The following ABCA3 variants were observed in gnomAD, a reference collection of about 807,000 sequenced individuals.
ABCA3 encodes phospholipid-transporting ATPase ABCA3.
ABCA3 carries 88 observed loss-of-function variants against 172.8 expected under a neutral mutation model. The observed-to-expected ratio is 0.51, with a 90% confidence interval of 0.43 to 0.61. ABCA3 has a LOEUF of 0.61. Ranked by LOEUF, ABCA3 falls within the 20% of genes least tolerant of loss-of-function variation. The probability of loss-of-function intolerance (pLI) is 0.00; values close to 1 mark genes in which losing one functional copy is unlikely to be tolerated. For missense variants in ABCA3, 2,164 were observed against 2,301.0 expected (o/e 0.94, Z 1.22); for synonymous variants, 1,066 against 983.8 (o/e 1.08, Z -1.56).
chr16:2,320,967 TC>T (rs1167927882), intron 7 of ABCA3, among the ~76,000 whole-genome samples: 2 of 148,028 alleles, frequency 1.4e-5, no homozygotes, highest in African/African-American at 4.9e-5. Context: ...ACAAAGGTTT[TC>T]CCCAGTCTGC....
chr16:2,278,566 C>T lies in ABCA3; in HGVS notation c.4548-108G>A. 6 of 1,387,056 alleles carry T rather than the reference C, an allele frequency of 4.3e-6. No individual in the cohort carries two copies. The highest frequency in any genetic ancestry group is 6.0e-6 in the Non-Finnish European group (6 of 1,002,458). The allele number at this position is 1,387,056 out of a possible 1,614,324, so 85.9% of individuals were successfully genotyped here. A position where few individuals can be genotyped will look rare whatever the true frequency, so the allele number is the denominator to read the frequency against. The stretch of plus-strand genomic sequence containing the variant: ...AGCAGCGGCCCACACCCAGCAATTG[C>T]AGAACAGCCCTAGTGAAGAGGAAGG... On this transcript the variant is annotated intron_variant, in intron 29 of 32. Coordinates refer to ENST00000301732, the MANE Select transcript of ABCA3 (RefSeq NM_001089.3). This position sits in a 1 kb window ranked among gnomAD's most constrained non-coding sequence, Gnocchi z 4.4.
In ABCA3 at chr16:2,326,082, T is replaced by C; in HGVS notation, c.247A>G (p.Ile83Val). 1 of 1,614,024 alleles carries C rather than the reference T, an allele frequency of 6.2e-7. No individual in the cohort carries two copies. Among genetic ancestry groups the C allele is most frequent in the Non-Finnish European group, 8.5e-7 (1 of 1,180,032 alleles). ...TTGGCAGCGTCACTGTGAGAAGGGATGTAGGCAAGCTCCCAGGTGTCTCCT... is the reference window on the plus strand; with the variant it reads ...TTGGCAGCGTCACTGTGAGAAGGGACGTAGGCAAGCTCCCAGGTGTCTCCT... The part of the protein sequence containing the change: ...PPGDTWELAY[I>V]PSHSDAAKTV... The change falls in exon 5 of 33, where the codon ATC becomes GTC. Residue 83 changes from isoleucine to valine, a missense_variant. Physicochemically the swap from Ile to Val is conservative, Grantham distance 29 (BLOSUM62 3). Around this residue, in one of 3 missense-constraint regions of ABCA3, gnomAD observed 1,343 missense variants for 1,369.6 expected, o/e 0.98. Transcript: ENST00000301732.
intron 17 of ABCA3, among the ~76,000 whole-genome samples, chr16:2,296,561 G>A (rs985985705): frequency 2.6e-5 from 4 of 152,240 alleles, no homozygotes; most frequent in Non-Finnish European, 5.9e-5. Flanking sequence ...AGACAAGGAT[G>A]CCAGGCCCAG....
Position 2,319,603 on chromosome 16 carries a change from T to C in ABCA3, c.851A>G (p.Gln284Arg). 6.2e-7 allele frequency: 1 copy of C among 1,612,856 alleles called. No individual in the cohort carries two copies. The highest frequency in any genetic ancestry group is 1.7e-5 in the Admixed American group (1 of 60,006). ...CACCTTCAGCCTCCTTTCCTTCTCCTGCACGACAGCACGGGCAATGGTGAG... is the reference window on the plus strand; with the variant it reads ...CACCTTCAGCCTCCTTTCCTTCTCCCGCACGACAGCACGGGCAATGGTGAG... ...TALTIARAVV[Q>R]EKERRLKEYM... The change falls in exon 8 of 33, where the codon CAG becomes CGG. Residue 284 changes from glutamine to arginine, a missense_variant. Physicochemically the swap from Gln to Arg is conservative, Grantham distance 43. Transcript: ENST00000301732.
At position 2,340,591 on chromosome 16, in the gene ABCA3, C is replaced by A. The variant is rs1385955942; in HGVS notation, c.-557G>T. On this transcript the variant is annotated 5_prime_UTR_variant, in exon 1 of 33. Transcript: ENST00000301732. ...CACTCACCGAGCCTGGGCGCCGGGG[C>A]GGCGGCGGCCGGCGCGCGGCCCTCT... is the stretch of plus-strand genomic sequence containing the variant. 4.0e-5 allele frequency: 6 copies of A among 148,724 alleles called. No individual in the cohort carries two copies. The highest frequency in any genetic ancestry group is 2.0e-4 in the South Asian group (1 of 4,898). 9.2% of individuals were successfully genotyped at this position (148,724 alleles called of 1,614,324 possible). A position where few individuals can be genotyped will look rare whatever the true frequency, so the allele number is the denominator to read the frequency against.
chr16:2,332,614 AGCGTGGGCG>A (rs1567357305), intron 1 of ABCA3: 1 of 1,581,326 alleles, frequency 6.3e-7, no homozygotes, highest in African/African-American at 1.3e-5. Context: ...CTTGTACTGT[AGCGTGGGCG>A]GCTCAATCTT....
chr16:2,286,461 C>G lies in ABCA3; in HGVS notation c.3278+233G>C, dbSNP rs923155312. ...GGAGAAGGCAGGGCTGCCTGCCGAG[C>G]CTTCATGGGTCCCCGTGAGGACCGC... On this transcript the variant is annotated intron_variant, in intron 22 of 32. Coordinates refer to ENST00000301732, the MANE Select transcript of ABCA3 (RefSeq NM_001089.3). The surrounding 1 kb of genome is among the most constrained non-coding windows in gnomAD (Gnocchi z 5.2). Among the ~76,000 whole-genome samples, 1 of 152,198 alleles carries G rather than the reference C, an allele frequency of 6.6e-6. No homozygotes were observed. The highest frequency in any genetic ancestry group is 6.5e-5 in the Admixed American group (1 of 15,280).
chr16:2,340,048 T>C (rs1303242268), intron 1 of ABCA3, among the ~76,000 whole-genome samples: 1 of 152,200 alleles, frequency 6.6e-6, no homozygotes, highest in Non-Finnish European at 1.5e-5. Flanking sequence ...GGATTCGGAT[T>C]TGGAGGCTCC....
chr16:2,289,405 G>GC, intron 20 of ABCA3, 29 bp downstream of exon 20: 8 of 994,950 alleles, frequency 8.0e-6, no homozygotes, highest in African/African-American at 1.6e-5. Flanking sequence ...CCCTTCCCCC[G>GC]CCACCCGCCC....
At chr16:2,289,399 T>TACCCCCC in intron 20 of ABCA3, 35 bp downstream of exon 20, 1 of 1,544,354 alleles carries the variant, frequency 6.5e-7, no homozygotes, top group Non-Finnish European at 8.7e-7. Context: ...TGCTCGCCCT[T>TACCCCCC]CCCCCGCCAC....
At chr16:2,313,225 T>C (rs1418271583) in intron 10 of ABCA3, among the ~76,000 whole-genome samples, 1 of 151,978 alleles carries the variant, frequency 6.6e-6, no homozygotes, top group Non-Finnish European at 1.5e-5. Flanking sequence ...AATGTCAGCA[T>C]GGTGGAAAAG....
intron 1 of ABCA3, 150 bp downstream of exon 1, chr16:2,340,423 G>A (rs2093759018): frequency 1.3e-5 from 2 of 151,390 alleles, no homozygotes; most frequent in African/African-American, 2.4e-5. Flanking sequence ...CGGAGGGGAT[G>A]CGGGGTCGCG....
In ABCA3 at chr16:2,297,469, TGAA is replaced by T; in HGVS notation, c.2120_2122del (p.Leu707del). On this transcript the variant is annotated inframe_deletion, in exon 17 of 33. Transcript: ENST00000301732. This position sits in a 1 kb window ranked among gnomAD's most constrained non-coding sequence, Gnocchi z 5.6. ...GATGGTGCGGTCACTTTTCTGCCGC[TGAA>T]GAAGATCCCAGATGGCCCTCCTGGA... is the stretch of plus-strand genomic sequence containing the variant. 1 of 1,613,762 alleles carries T rather than the reference TGAA, an allele frequency of 6.2e-7. No individual in the cohort carries two copies.
chr16:2,300,979 C>CCAG (rs1260101498), intron 12 of ABCA3, among the ~76,000 whole-genome samples: 1 of 152,044 alleles, frequency 6.6e-6, no homozygotes, highest in Admixed American at 6.6e-5. Context: ...GCCTGTAATC[C>CCAG]CAGCACTTTG....
In ABCA3 at chr16:2,283,391, C is replaced by T; in HGVS notation, c.3863-33G>A. On this transcript the variant is annotated intron_variant, in intron 25 of 32. Coordinates refer to ENST00000301732, the MANE Select transcript of ABCA3 (RefSeq NM_001089.3). The surrounding 1 kb of genome is among the most constrained non-coding windows in gnomAD (Gnocchi z 5.4). ...GCGAGGGAGTCACTGTGCCCCGAGGCCTGGGGCACCCTCCTCCCCTTCCAG... is the reference window on the plus strand; with the variant it reads ...GCGAGGGAGTCACTGTGCCCCGAGGTCTGGGGCACCCTCCTCCCCTTCCAG... The T allele has an allele frequency of 1.2e-6, 2 of 1,605,034 alleles. No individual in the cohort carries two copies. Among genetic ancestry groups the T allele is most frequent in the Non-Finnish European group, 1.7e-6 (2 of 1,175,112 alleles).
At position 2,284,577 on chromosome 16, in the gene ABCA3, C is replaced by T; in HGVS notation, c.3704-140G>A. ...CACCTCCCAGGGACGCCCCTGCCGG[C>T]TCTGCACAGGGCAAGGACGCCGCAG... On this transcript the variant is annotated intron_variant, in intron 24 of 32. Transcript: ENST00000301732. This position sits in a 1 kb window ranked among gnomAD's most constrained non-coding sequence, Gnocchi z 5.9. 7.2e-7 allele frequency: 1 copy of T among 1,381,654 alleles called. No individual in the cohort carries two copies. The highest frequency in any genetic ancestry group is 1.0e-6 in the Non-Finnish European group (1 of 985,128). 85.6% of individuals were successfully genotyped at this position (1,381,654 alleles called of 1,614,324 possible).
At chr16:2,300,995 C>T (rs1465738976) in intron 12 of ABCA3, among the ~76,000 whole-genome samples, 1 of 149,996 alleles carries the variant, frequency 6.7e-6, no homozygotes, top group Non-Finnish European at 1.5e-5. Context: ...CTTTGGGAGG[C>T]CGAGGCGGGC....
intron 1 of ABCA3, among the ~76,000 whole-genome samples, chr16:2,332,139 A>C (rs181820991): frequency 3.7e-3 from 567 of 152,240 alleles, no homozygotes; most frequent in Non-Finnish European, 6.4e-3. Context: ...TTGTCAGCTC[A>C]AGAGCCATCG....
In ABCA3 at chr16:2,278,993, CAG is replaced by C. The variant is rs774277095; in HGVS notation, c.4495_4496del (p.Leu1499AlafsTer20). On this transcript the variant is annotated frameshift_variant, in exon 29 of 33. Coordinates refer to ENST00000301732, the MANE Select transcript of ABCA3 (RefSeq NM_001089.3). LOFTEE classifies it high-confidence loss of function. This position sits in a 1 kb window ranked among gnomAD's most constrained non-coding sequence, Gnocchi z 4.4. ...RHIGACVENT[L>X]RGLLLEPHAN... ...CATGTGGCTCCAGCAGCAGGCCCCG[CAG>C]AGTGTTCTCCACGCAGGCCCCGATG... 2 of 1,613,586 alleles carry C rather than the reference CAG, an allele frequency of 1.2e-6. No individual in the cohort carries two copies. The highest frequency in any genetic ancestry group is 2.2e-5 in the East Asian group (1 of 44,882).
Sources: allele counts gnomAD v4.1 joint callset (sites outside exome capture counted in the v4.1 genomes callset), GRCh38; gene constraint gnomAD v4.1.1; regional missense constraint gnomAD v4.1.1; non-coding constraint Gnocchi (gnomAD v3.1); transcripts MANE v1.5; gene names NCBI Gene and HGNC (gene_info 2026-07-23, HGNC 2026-07-21).